The following ST6GALNAC5 variants were observed in gnomAD, a reference collection of about 807,000 sequenced individuals.
ST6GALNAC5 encodes ST6 N-acetylgalactosaminide alpha-2,6-sialyltransferase 5, also known as alpha-N-acetylgalactosaminide alpha-2,6-sialyltransferase 5.
Under a neutral mutation model 33.6 loss-of-function variants are expected in ST6GALNAC5, and 27 were observed. That is an observed-to-expected ratio of 0.80 (90% CI 0.59 to 1.11). The LOEUF (loss-of-function observed/expected upper bound fraction) is 1.11, where lower values mean the gene tolerates loss of function less well. Ranked by LOEUF, ST6GALNAC5 falls within the 50% of genes least tolerant of loss-of-function variation. ST6GALNAC5 has a pLI of 0.00. For missense variants in ST6GALNAC5, 428 were observed against 454.0 expected (o/e 0.94, Z 0.52); for synonymous variants, 194 against 171.2 (o/e 1.13, Z -1.04).
chr1:76,965,276 G>T (rs186470813), intron 2 of ST6GALNAC5, among the ~76,000 whole-genome samples: 3,173 of 152,028 alleles, frequency 0.021, 107 homozygotes, highest in African/African-American at 0.073. Context: ...AGCATCTGTT[G>T]TTTCCTGACT....
chr1:76,912,309 T>C (rs1210913600), intron 2 of ST6GALNAC5, among the ~76,000 whole-genome samples: 1 of 152,126 alleles, frequency 6.6e-6, no homozygotes, highest in African/African-American at 2.4e-5. Context: ...ATAATTTCTG[T>C]TCTTTTACAT....
In ST6GALNAC5 at chr1:76,993,195, A is replaced by C. The variant is rs17099797; in HGVS notation, c.262-51009A>C. On this transcript the variant is annotated intron_variant, in intron 2 of 4. Transcript: ENST00000477717. ...ATGATGCCTTTGCGAACTCTCTAGCATTAGCTGCTCCTTCCTCTGATGTTG... is the reference window on the plus strand; with the variant it reads ...ATGATGCCTTTGCGAACTCTCTAGCCTTAGCTGCTCCTTCCTCTGATGTTG... 2.4e-4 allele frequency among the ~76,000 whole-genome samples: 36 copies of C among 152,272 alleles called. No individual in the cohort carries two copies. The East Asian group carries it at 6.4e-3, about 27-fold the overall frequency.
intron 2 of ST6GALNAC5, among the ~76,000 whole-genome samples, chr1:77,033,652 C>T (rs964448915): frequency 1.3e-5 from 2 of 152,026 alleles, no homozygotes; most frequent in Non-Finnish European, 2.9e-5. Flanking sequence ...GGAAGGGCCT[C>T]CTGGAGGAGG....
Position 76,868,438 on chromosome 1 carries a change from G to T in ST6GALNAC5, c.16-59G>T. On this transcript the variant is annotated intron_variant, in intron 1 of 4. Transcript: ENST00000477717. The surrounding 1 kb of genome is among the most constrained non-coding windows in gnomAD (Gnocchi z 4.3). ...CACCGCACAGTTGTCCCCGCTGGGC[G>T]CGCTCCTCCGGTGTCTGCGCTCAGC... The T allele has an allele frequency of 1.3e-6, 2 of 1,544,830 alleles. No individual in the cohort carries two copies. Among genetic ancestry groups the T allele is most frequent in the South Asian group, 1.2e-5 (1 of 80,076 alleles).
At chr1:77,017,238 T>A (rs542453722) in intron 2 of ST6GALNAC5, among the ~76,000 whole-genome samples, 1 of 151,472 alleles carries the variant, frequency 6.6e-6, no homozygotes, top group African/African-American at 2.4e-5. Context: ...AGTGAGTGCA[T>A]CTGACATCAA....
intron 2 of ST6GALNAC5, among the ~76,000 whole-genome samples, chr1:76,929,972 A>G (rs1475615655): frequency 6.6e-6 from 1 of 152,130 alleles, no homozygotes; most frequent in African/African-American, 2.4e-5. Flanking sequence ...TGAAAAATTA[A>G]TTACACTTGG....
intron 2 of ST6GALNAC5, among the ~76,000 whole-genome samples, chr1:76,884,499 G>T (rs1470011665): frequency 6.6e-6 from 1 of 152,146 alleles, no homozygotes; most frequent in East Asian, 1.9e-4. Flanking sequence ...TGCTGGCAGA[G>T]ACTTTAGTAT....
rs1653368662 is a variant in ST6GALNAC5, at chr1:76,867,585, C to T, written c.-91C>T. On this transcript the variant is annotated 5_prime_UTR_variant, in exon 1 of 5. Transcript: ENST00000477717. ...GCTGCTGGGCAAAAATCAGAGCCGC[C>T]TCCGCCCCATTACCCATCATGGAAA... is the stretch of plus-strand genomic sequence containing the variant. 1 of 1,605,354 alleles carries T rather than the reference C, an allele frequency of 6.2e-7. No individual in the cohort carries two copies. Among genetic ancestry groups the T allele is most frequent in the African/African-American group, 1.3e-5 (1 of 74,720 alleles).
intron 2 of ST6GALNAC5, among the ~76,000 whole-genome samples, chr1:76,995,871 C>G (rs1649916943): frequency 6.6e-6 from 1 of 152,088 alleles, no homozygotes; most frequent in Middle Eastern, 3.2e-3. Context: ...TTTTGGCTCA[C>G]CATTTCATTC....
intron 2 of ST6GALNAC5, among the ~76,000 whole-genome samples, chr1:77,002,048 T>C (rs998317753): frequency 1.3e-5 from 2 of 152,126 alleles, no homozygotes; most frequent in Admixed American, 6.5e-5. Flanking sequence ...TTGATTGGAA[T>C]AGTTTCAGAA....
chr1:76,907,915 T>C (rs1389203109), intron 2 of ST6GALNAC5, among the ~76,000 whole-genome samples: 1 of 152,164 alleles, frequency 6.6e-6, no homozygotes, highest in African/African-American at 2.4e-5. Flanking sequence ...ATGCTAAAAA[T>C]ATTAATTTGG....
intron 4 of ST6GALNAC5, among the ~76,000 whole-genome samples, chr1:77,062,629 G>A (rs1570153005): frequency 6.6e-6 from 1 of 152,238 alleles, no homozygotes; most frequent in East Asian, 1.9e-4. Flanking sequence ...GACATATTTT[G>A]TTTTGGTAAT....
intron 2 of ST6GALNAC5, among the ~76,000 whole-genome samples, chr1:77,007,106 A>G (rs773825856): frequency 2.0e-5 from 3 of 152,212 alleles, no homozygotes; most frequent in Non-Finnish European, 2.9e-5. Flanking sequence ...GGCCAAGCCC[A>G]GTGTCAGTAT....
intron 2 of ST6GALNAC5, among the ~76,000 whole-genome samples, chr1:76,895,477 T>C (rs866029976): frequency 1.1e-4 from 17 of 152,298 alleles, no homozygotes; most frequent in Middle Eastern, 3.4e-3. Flanking sequence ...GGCCTGGATA[T>C]GGTTTTGTAT....
intron 4 of ST6GALNAC5, among the ~76,000 whole-genome samples, chr1:77,052,433 G>C (rs1024673386): frequency 6.6e-6 from 1 of 152,092 alleles, no homozygotes; most frequent in Non-Finnish European, 1.5e-5. Flanking sequence ...GTAAAATGGG[G>C]ATAAGAAAAT....
intron 2 of ST6GALNAC5, among the ~76,000 whole-genome samples, chr1:76,936,486 C>G (rs956198526): frequency 4.5e-4 from 69 of 151,992 alleles, no homozygotes; most frequent in African/African-American, 1.6e-3. Flanking sequence ...AAAAGGTGCA[C>G]CCCAAGAATA....
chr1:76,970,998 C>T (rs1648734795), intron 2 of ST6GALNAC5, among the ~76,000 whole-genome samples: 1 of 151,958 alleles, frequency 6.6e-6, no homozygotes, highest in African/African-American at 2.4e-5. Flanking sequence ...CTTGATTGCA[C>T]TGTAAATGAC....
intron 2 of ST6GALNAC5, among the ~76,000 whole-genome samples, chr1:77,000,834 T>C: frequency 6.6e-6 from 1 of 152,154 alleles, no homozygotes; most frequent in African/African-American, 2.4e-5. Flanking sequence ...GGGCTCCGTT[T>C]TGTTCCATTG....
intron 2 of ST6GALNAC5, among the ~76,000 whole-genome samples, chr1:76,946,433 A>G (rs1000857070): frequency 1.3e-5 from 2 of 152,240 alleles, no homozygotes; most frequent in South Asian, 2.1e-4. Context: ...CTGATTCCCA[A>G]TCTGCATAAT....
Sources: allele counts gnomAD v4.1 joint callset (sites outside exome capture counted in the v4.1 genomes callset), GRCh38; gene constraint gnomAD v4.1.1; non-coding constraint Gnocchi (gnomAD v3.1); transcripts MANE v1.5; gene names NCBI Gene and HGNC (gene_info 2026-07-23, HGNC 2026-07-21).